DOK6: variants seen among roughly 807,000 people sequenced by gnomAD.
DOK6 encodes the protein docking protein 6, also known as downstream of tyrosine kinase 6.
A neutral mutation model predicts 44.0 loss-of-function variants in DOK6; 22 were observed. The observed-to-expected ratio is 0.50, with a 90% CI of 0.36 to 0.71. The LOEUF (loss-of-function observed/expected upper bound fraction) is 0.71. Among genes scored for constraint, DOK6 ranks in the 30% least tolerant of loss-of-function variants. The probability of loss-of-function intolerance (pLI) is 0.00; values close to 1 mark genes in which losing one functional copy is unlikely to be tolerated. For synonymous variants in DOK6, 166 were observed against 145.5 expected (o/e 1.14, Z -1.01); for missense variants, 340 against 416.4 (o/e 0.82, Z 1.60).
intron 2 of DOK6, among the ~76,000 whole-genome samples, chr18:69,598,753 A>G (rs961770065): frequency 6.6e-6 from 1 of 152,168 alleles, no homozygotes; most frequent in Non-Finnish European, 1.5e-5. Flanking sequence ...TCCAAAATAC[A>G]TAAGGCTACT....
At chr18:69,479,680 A>C (rs1247537168) in intron 1 of DOK6, among the ~76,000 whole-genome samples, 4 of 152,154 alleles carry the variant, frequency 2.6e-5, no homozygotes, top group African/African-American at 4.8e-5. Flanking sequence ...TTTCACACAC[A>C]AAAAGAAATA....
At chr18:69,599,776 C>T (rs1983830356) in intron 3 of DOK6, among the ~76,000 whole-genome samples, 1 of 152,106 alleles carries the variant, frequency 6.6e-6, no homozygotes, top group Non-Finnish European at 1.5e-5. Context: ...AGGTGTTGTT[C>T]GGGTGAGTGC....
chr18:69,597,435 C>A (rs1386636691), intron 2 of DOK6, among the ~76,000 whole-genome samples: 2 of 152,104 alleles, frequency 1.3e-5, no homozygotes, highest in East Asian at 3.8e-4. Flanking sequence ...TTAAAGATAT[C>A]TGATTGCTAA....
intron 7 of DOK6, among the ~76,000 whole-genome samples, chr18:69,797,381 A>C (rs1232233318): frequency 2.0e-5 from 3 of 152,170 alleles, no homozygotes; most frequent in African/African-American, 7.2e-5. Flanking sequence ...GTGTTGCCTC[A>C]GGAAGTTAAC....
At chr18:69,672,350 A>AGTTT (rs200167290) in intron 3 of DOK6, among the ~76,000 whole-genome samples, 1 of 151,950 alleles carries the variant, frequency 6.6e-6, no homozygotes, top group Non-Finnish European at 1.5e-5. Flanking sequence ...TTTGTTTGTT[A>AGTTT]GTTTGTTTGT....
In DOK6 at chr18:69,654,961, G is replaced by A. The variant is rs1262802801; in HGVS notation, c.290-22773G>A. Among the ~76,000 whole-genome samples, 3 of 152,316 alleles carry A rather than the reference G, an allele frequency of 2.0e-5. No individual in the cohort carries two copies. In the East Asian group the frequency reaches 5.8e-4, roughly 29 times the overall value. On this transcript the variant is annotated intron_variant, in intron 3 of 7. Transcript: ENST00000382713. ...TAGTCTCAGCTACTCTGGAGGCTGA[G>A]GCAGGAGGATAACCCAAGTCTGGGA...
intron 2 of DOK6, among the ~76,000 whole-genome samples, chr18:69,573,335 A>G (rs1434423014): frequency 2.0e-5 from 3 of 151,934 alleles, no homozygotes; most frequent in East Asian, 1.9e-4. Context: ...TTGTGATTAA[A>G]AACTACACAG....
At chr18:69,458,483 A>C (rs1413593893) in intron 1 of DOK6, among the ~76,000 whole-genome samples, 2 of 152,186 alleles carry the variant, frequency 1.3e-5, no homozygotes, top group African/African-American at 4.8e-5. Context: ...CGAGGATACA[A>C]AGTAAGGATG....
In DOK6 at chr18:69,760,763, T is replaced by C. The variant is rs11151535; in HGVS notation, c.856+2890T>C. On this transcript the variant is annotated intron_variant, in intron 7 of 7. Transcript: ENST00000382713. ...AATTATTACTACTCCTGAAATCTTA[T>C]TGGGAAGCTGCTGATCAGTTTCAGG... Among the ~76,000 whole-genome samples, 653 of 75,850 alleles carry C rather than the reference T, an allele frequency of 8.6e-3. 2 individuals are homozygous for C. The highest frequency in any genetic ancestry group is 0.021 in the Middle Eastern group (3 of 144). The allele number at this position is 75,850 out of a possible 152,430, so 49.8% of individuals were successfully genotyped here. A position where few individuals can be genotyped will look rare whatever the true frequency, so the allele number is the denominator to read the frequency against.
At chr18:69,640,417 T>A (rs141621282) in intron 3 of DOK6, among the ~76,000 whole-genome samples, 1 of 152,364 alleles carries the variant, frequency 6.6e-6, no homozygotes, top group Non-Finnish European at 1.5e-5. Flanking sequence ...ATGTACCCTT[T>A]GCCACATTCA....
At chr18:69,571,737 T>C (rs1166445403) in intron 2 of DOK6, among the ~76,000 whole-genome samples, 2 of 151,940 alleles carry the variant, frequency 1.3e-5, no homozygotes, top group Non-Finnish European at 2.9e-5. Context: ...TAAAGCAAAT[T>C]TGACAGATTT....
chr18:69,481,526 TC>T (rs1468608756), intron 1 of DOK6, among the ~76,000 whole-genome samples: 10 of 152,162 alleles, frequency 6.6e-5, no homozygotes, highest in African/African-American at 2.4e-4. Flanking sequence ...TCCAGCTTCA[TC>T]CGTGTCCCTA....
chr18:69,557,373 T>C (rs1982713436), intron 1 of DOK6, among the ~76,000 whole-genome samples: 1 of 152,254 alleles, frequency 6.6e-6, no homozygotes, highest in South Asian at 2.1e-4. Flanking sequence ...CCTAGCTAAA[T>C]AACGTAATTA....
At chr18:69,514,530 G>C (rs1235700093) in intron 1 of DOK6, among the ~76,000 whole-genome samples, 1 of 151,610 alleles carries the variant, frequency 6.6e-6, no homozygotes, top group African/African-American at 2.4e-5. Flanking sequence ...GATTCATATA[G>C]GAACTTTAAA....
intron 2 of DOK6, among the ~76,000 whole-genome samples, chr18:69,583,419 G>T (rs536017195): frequency 6.6e-6 from 1 of 152,094 alleles, no homozygotes; most frequent in African/African-American, 2.4e-5. Context: ...TGCTTTATAA[G>T]GTTTACTTGT....
chr18:69,661,378 A>T (rs1008606912), intron 3 of DOK6: 7 of 152,246 alleles, frequency 4.6e-5, no homozygotes, highest in Admixed American at 4.6e-4. Context: ...ACATCTTAAT[A>T]GCATCACCTT....
chr18:69,810,465 A>G (rs1167637128), intron 7 of DOK6, among the ~76,000 whole-genome samples: 2 of 152,048 alleles, frequency 1.3e-5, no homozygotes, highest in Admixed American at 1.3e-4. Context: ...AAATAGACAA[A>G]TGGGATTACA....
intron 7 of DOK6, chr18:69,832,842 A>G (rs951859101): frequency 6.6e-6 from 1 of 152,184 alleles, no homozygotes; most frequent in Non-Finnish European, 1.5e-5. Flanking sequence ...AATACCTAAG[A>G]ATAAATTTAA....
rs755433325 is a variant in DOK6, at chr18:69,698,359, A to G, written c.410-45A>G. 8 of 1,542,416 alleles carry G rather than the reference A, an allele frequency of 5.2e-6. No homozygotes were observed. The African/African-American group carries it at 9.6e-5, about 18-fold the overall frequency. On this transcript the variant is annotated intron_variant, in intron 4 of 7. Transcript: ENST00000382713. ...TAATATCGTATGGCCATAGACACTCACACCTCTTTTCACTTAACCTTCTCC... is the reference window on the plus strand; with the variant it reads ...TAATATCGTATGGCCATAGACACTCGCACCTCTTTTCACTTAACCTTCTCC...
Sources: allele counts gnomAD v4.1 joint callset (sites outside exome capture counted in the v4.1 genomes callset), GRCh38; gene constraint gnomAD v4.1.1; transcripts MANE v1.5; gene names NCBI Gene and HGNC (gene_info 2026-07-23, HGNC 2026-07-21).